The following GINS3 variants were observed in gnomAD, a reference collection of about 807,000 sequenced individuals.
GINS3 encodes DNA replication complex GINS protein PSF3.
GINS3 carries 18 observed loss-of-function variants against 20.0 expected under a neutral mutation model. That is an observed-to-expected ratio of 0.90 (90% CI 0.62 to 1.33). GINS3 has a LOEUF of 1.33. Among genes scored for constraint, GINS3 ranks in the 40% most tolerant of loss-of-function variants. The pLI, the probability that GINS3 is intolerant of heterozygous loss-of-function variation, is 0.00. For synonymous variants in GINS3, 109 were observed against 107.0 expected, an observed-to-expected ratio of 1.02 and a Z score of -0.12; for missense variants, 254 against 273.6, an observed-to-expected ratio of 0.93 and a Z score of 0.51.
chr16:58,393,113 T>G (rs1965806318), intron 1 of GINS3, among the ~76,000 whole-genome samples: 1 of 152,230 alleles, frequency 6.6e-6, no homozygotes, highest in Non-Finnish European at 1.5e-5. Flanking sequence ...TGCTTAAAGA[T>G]TGGCTCCAGC....
chr16:58,392,827 A>C (rs1332561377), intron 1 of GINS3, 40 bp downstream of exon 1: 11 of 1,534,098 alleles, frequency 7.2e-6, no homozygotes, highest in Non-Finnish European at 9.6e-6. Context: ...GAAAGACTGC[A>C]GCTCCCGGCG....
intron 1 of GINS3, among the ~76,000 whole-genome samples, chr16:58,394,351 TTTTG>T (rs1567534532): frequency 2.0e-5 from 3 of 152,128 alleles, no homozygotes; most frequent in African/African-American, 4.8e-5. Flanking sequence ...GGTTTTGTTT[TTTTG>T]TTTGTTTTTT....
intron 1 of GINS3, chr16:58,402,872 A>C: frequency 1.8e-6 from 1 of 563,940 alleles, no homozygotes. Context: ...TTTGTTCACC[A>C]TGTTTTTGTT....
chr16:58,393,828 C>CAAAAAAAAAAAAAAAAAA (rs746322212), intron 1 of GINS3, among the ~76,000 whole-genome samples: 1 of 55,402 alleles, frequency 1.8e-5, no homozygotes, highest in Non-Finnish European at 3.9e-5. Context: ...GACTCCATCT[C>CAAAAAAAAAAAAAAAAAA]AAAAAAAAAA....
chr16:58,392,911 C>A, intron 1 of GINS3, 124 bp downstream of exon 1: 1 of 1,060,410 alleles, frequency 9.4e-7, no homozygotes, highest in Non-Finnish European at 1.3e-6. Context: ...GAGCCAGGGC[C>A]GAAGGCGCTA....
intron 1 of GINS3, among the ~76,000 whole-genome samples, chr16:58,399,654 T>C (rs1447480036): frequency 1.3e-5 from 2 of 152,190 alleles, no homozygotes; most frequent in Non-Finnish European, 2.9e-5. Flanking sequence ...TCTTACTATT[T>C]TCTTATGTCC....
chr16:58,398,397 C>T (rs958793715), intron 1 of GINS3, among the ~76,000 whole-genome samples: 1 of 151,986 alleles, frequency 6.6e-6, no homozygotes, highest in African/African-American at 2.4e-5. Context: ...CACTTGAGCC[C>T]AGGAGTTCGA....
chr16:58,403,079 A>G lies in GINS3; in HGVS notation c.187-19A>G, dbSNP rs749776828. 1.9e-6 allele frequency: 3 copies of G among 1,595,730 alleles called. No individual in the cohort carries two copies. Among genetic ancestry groups the G allele is most frequent in the Non-Finnish European group, 2.6e-6 (3 of 1,163,754 alleles). ...TGTTACTTGTCTGTTTTTAAAATCTACATTCATGCATGCTGCAGGGTTCCA... is the reference window on the plus strand; with the variant it reads ...TGTTACTTGTCTGTTTTTAAAATCTGCATTCATGCATGCTGCAGGGTTCCA... On this transcript the variant is annotated intron_variant, in intron 1 of 2. Transcript: ENST00000318129.
chr16:58,397,580 G>A (rs1198149669), intron 1 of GINS3, among the ~76,000 whole-genome samples: 6 of 152,140 alleles, frequency 3.9e-5, no homozygotes, highest in Admixed American at 1.3e-4. Context: ...TGAGGCTGGC[G>A]GATCACTCGC....
chr16:58,402,638 T>A (rs796978481), intron 1 of GINS3, among the ~76,000 whole-genome samples: 20 of 152,302 alleles, frequency 1.3e-4, no homozygotes, highest in African/African-American at 4.8e-4. Flanking sequence ...AGCTGTGAAG[T>A]GGGATGGAAA....
At chr16:58,397,118 C>T (rs1965886102) in intron 1 of GINS3, among the ~76,000 whole-genome samples, 2 of 151,924 alleles carry the variant, frequency 1.3e-5, no homozygotes, top group African/African-American at 4.8e-5. Context: ...AGACGCTCCT[C>T]ACTTCCCAGA....
At position 58,404,716 on chromosome 16, in the gene GINS3, A is replaced by G; in HGVS notation, c.638A>G (p.Asp213Gly). Residue 213 changes from aspartate to glycine, a missense_variant, in exon 3 of 3, where the codon GAT (aspartate) becomes GGT (glycine). Physicochemically the swap from Asp to Gly is moderately conservative, Grantham distance 94. Coordinates refer to ENST00000318129, the MANE Select transcript of GINS3 (RefSeq NM_022770.4). ...AATTACAAGAAGAGAAAATTCACTG[A>G]TATGGAAGACTGAAAGCCGGAAGAA... ...VQNYKKRKFT[D>G]MED 6.2e-7 allele frequency: 1 copy of G among 1,613,412 alleles called. No homozygotes were observed. The highest frequency in any genetic ancestry group is 8.5e-7 in the Non-Finnish European group (1 of 1,179,472).
At chr16:58,395,100 A>G in intron 1 of GINS3, 1 of 545,802 alleles carries the variant, frequency 1.8e-6, no homozygotes, top group South Asian at 2.5e-5. Context: ...TTTTTGAGAC[A>G]GGGTTTTGCT....
intron 1 of GINS3, among the ~76,000 whole-genome samples, chr16:58,395,427 A>T (rs1965840866): frequency 6.6e-6 from 1 of 151,690 alleles, no homozygotes; most frequent in South Asian, 2.1e-4. Flanking sequence ...GGTCAAGCAG[A>T]TAAACAAGTG....
chr16:58,402,239 T>A (rs1306147405), intron 1 of GINS3, among the ~76,000 whole-genome samples: 2 of 152,214 alleles, frequency 1.3e-5, no homozygotes, highest in African/African-American at 4.8e-5. Flanking sequence ...GAATTTCCAT[T>A]TGATTTCTAA....
At chr16:58,395,906 G>A (rs1344884842) in intron 1 of GINS3, among the ~76,000 whole-genome samples, 1 of 151,726 alleles carries the variant, frequency 6.6e-6, no homozygotes, top group African/African-American at 2.4e-5. Context: ...CAGTAGGGGC[G>A]GCCGGGCAGA....
intron 1 of GINS3, among the ~76,000 whole-genome samples, chr16:58,402,136 T>C (rs1965964741): frequency 6.6e-6 from 1 of 152,220 alleles, no homozygotes; most frequent in African/African-American, 2.4e-5. Flanking sequence ...TCATTCACAG[T>C]CCTGTCTTCA....
Position 58,392,756 on chromosome 16 carries a change from C to A in GINS3, c.155C>A (p.Ala52Glu), listed in dbSNP as rs758162090. ...GGCGCTTTCTTCCTGGAGCGGAGCG[C>A]AGGCGCCGAGACTGACAACGCGGTC... ...RLGAFFLERSAGAETDNAVPQ... is the reference protein window; with the variant it reads ...RLGAFFLERSEGAETDNAVPQ... The change falls in exon 1 of 3, where the codon GCA becomes GAA. Residue 52 changes from alanine (A) to glutamate (E), a missense_variant. By Grantham distance (107) the Ala-to-Glu change is moderately radical. Transcript: ENST00000318129. 6.2e-7 allele frequency: 1 copy of A among 1,612,414 alleles called. No individual in the cohort carries two copies. Among genetic ancestry groups the A allele is most frequent in the Non-Finnish European group, 8.5e-7 (1 of 1,179,706 alleles).
At chr16:58,399,689 A>T (rs1965929698) in intron 1 of GINS3, among the ~76,000 whole-genome samples, 1 of 151,590 alleles carries the variant, frequency 6.6e-6, no homozygotes, top group African/African-American at 2.4e-5. Flanking sequence ...TTCTTTTTCT[A>T]TCCTTTCTTG....
Sources: gnomAD v4.1 joint callset for allele counts (sites outside exome capture counted in the v4.1 genomes callset) on GRCh38, gnomAD v4.1.1 for gene constraint, MANE v1.5 for transcripts, NCBI Gene and HGNC (gene_info 2026-07-23, HGNC 2026-07-21) for gene names.